MKLN1: variants seen among roughly 807,000 people sequenced by gnomAD.
MKLN1 encodes muskelin 1.
A neutral mutation model predicts 99.0 loss-of-function variants in MKLN1; 18 were observed. The observed-to-expected ratio is 0.18, with a 90% CI of 0.13 to 0.27. The LOEUF (loss-of-function observed/expected upper bound fraction) is 0.27. Among genes scored for constraint, MKLN1 ranks in the 10% least tolerant of loss-of-function variants. The probability of loss-of-function intolerance (pLI) is 1.00; values close to 1 mark genes in which losing one functional copy is unlikely to be tolerated. For synonymous variants in MKLN1, 288 were observed against 293.2 expected, an observed-to-expected ratio of 0.98 and a Z score of 0.18; for missense variants, 621 against 875.9, an observed-to-expected ratio of 0.71 and a Z score of 3.67.
Position 131,220,696 on chromosome 7 carries a change from G to A in MKLN1, c.-179+17722G>A, listed in dbSNP as rs556271788. On this transcript the variant is annotated intron_variant, in intron 3 of 7. Transcript: ENST00000416992. ...CATGCTGATCCTCTTCCTCTGTGGG[G>A]GGTCTTCAAATTGGTTGCTAGAATT... is the stretch of plus-strand genomic sequence containing the variant. Among the ~76,000 whole-genome samples the A allele has an allele frequency of 2.6e-5, 4 of 152,178 alleles. No homozygotes were observed. In the South Asian group the frequency reaches 8.3e-4, roughly 32 times the overall value.
At chr7:131,448,099 G>A (rs1352975890) in intron 12 of MKLN1, among the ~76,000 whole-genome samples, 1 of 152,108 alleles carries the variant, frequency 6.6e-6, no homozygotes, top group African/African-American at 2.4e-5. Flanking sequence ...GTGGTGGCGG[G>A]CGCCTGTAGT....
chr7:131,154,977 TATAG>T (rs1795942974), intron 2 of MKLN1, among the ~76,000 whole-genome samples: 1 of 152,198 alleles, frequency 6.6e-6, no homozygotes, highest in South Asian at 2.1e-4. Context: ...CATTAATAGT[TATAG>T]ACATTTTAGA....
intron 3 of MKLN1, among the ~76,000 whole-genome samples, chr7:131,249,676 G>T (rs897541933): frequency 1.3e-5 from 2 of 152,138 alleles, no homozygotes; most frequent in African/African-American, 4.8e-5. Context: ...ATGCATGGAA[G>T]GCTTATACAG....
At chr7:131,317,403 G>T (rs1798688893) in intron 3 of MKLN1, among the ~76,000 whole-genome samples, 1 of 152,128 alleles carries the variant, frequency 6.6e-6, no homozygotes, top group Non-Finnish European at 1.5e-5. Flanking sequence ...ACAGGCAAAT[G>T]CTGAGGGATT....
chr7:131,165,081 G>A (rs527390287), intron 2 of MKLN1, among the ~76,000 whole-genome samples: 2 of 152,264 alleles, frequency 1.3e-5, no homozygotes, highest in African/African-American at 2.4e-5. Flanking sequence ...TTCCAGCCAG[G>A]GAGAGTGGGG....
intron 2 of MKLN1, among the ~76,000 whole-genome samples, chr7:131,199,354 C>T (rs1796692926): frequency 6.6e-6 from 1 of 151,654 alleles, no homozygotes; most frequent in South Asian, 2.1e-4. Flanking sequence ...AAATCCTGGG[C>T]TCAAGCAATC....
chr7:131,182,501 A>G (rs944961956), intron 2 of MKLN1, among the ~76,000 whole-genome samples: 4 of 152,230 alleles, frequency 2.6e-5, no homozygotes, highest in African/African-American at 9.6e-5. Flanking sequence ...CCTCCAGTTG[A>G]GTGAGAAGAA....
At chr7:131,146,950 T>A (rs1197300716) in intron 2 of MKLN1, among the ~76,000 whole-genome samples, 1 of 152,162 alleles carries the variant, frequency 6.6e-6, no homozygotes, top group Non-Finnish European at 1.5e-5. Flanking sequence ...AGCAGTTGCG[T>A]GTATGTTTTT....
At chr7:131,357,106 C>G (rs1799907620) in intron 1 of MKLN1, among the ~76,000 whole-genome samples, 1 of 152,300 alleles carries the variant, frequency 6.6e-6, no homozygotes, top group African/African-American at 2.4e-5. Flanking sequence ...ATTTATAGTT[C>G]ATTACTAACT....
chr7:131,165,973 A>T (rs954074363), intron 2 of MKLN1, among the ~76,000 whole-genome samples: 1 of 152,088 alleles, frequency 6.6e-6, no homozygotes, highest in Admixed American at 6.6e-5. Flanking sequence ...ATGTTAGCTG[A>T]GAGTGGCAGT....
At chr7:131,422,871 A>G (rs953674241) in intron 8 of MKLN1, among the ~76,000 whole-genome samples, 6 of 152,134 alleles carry the variant, frequency 3.9e-5, no homozygotes, top group Non-Finnish European at 8.8e-5. Flanking sequence ...CATTCATGCC[A>G]TGGTAGAGAA....
At position 131,126,399 on chromosome 7, in the gene MKLN1, TAG is replaced by T. The variant is rs1483814409; in HGVS notation, c.-419+16195_-419+16196del. ...CATATGTGAGTAGTTAAGTGAAAAA[TAG>T]AGTCATTTAACTATAGCATGTCCTA... On this transcript the variant is annotated intron_variant, in intron 1 of 7. Transcript: ENST00000416992. Among the ~76,000 whole-genome samples the T allele has an allele frequency of 2.2e-4, 34 of 152,276 alleles. 1 individual carries two copies. The highest frequency in any genetic ancestry group is 7.7e-4 in the African/African-American group (32 of 41,548).
At position 131,215,956 on chromosome 7, in the gene MKLN1, G is replaced by A. The variant is rs371326675; in HGVS notation, c.-179+12982G>A. On this transcript the variant is annotated intron_variant, in intron 3 of 7. Transcript: ENST00000416992. ...AAGCAGTGAACCTGGTTTACCACCCGCTCCCCTCACTCCATGCAGGTCACT... is the reference window on the plus strand; with the variant it reads ...AAGCAGTGAACCTGGTTTACCACCCACTCCCCTCACTCCATGCAGGTCACT... Among the ~76,000 whole-genome samples, 13 of 152,230 alleles carry A rather than the reference G, an allele frequency of 8.5e-5. No individual in the cohort carries two copies. The East Asian group carries it at 2.5e-3, about 29-fold the overall frequency.
At chr7:131,185,532 C>T (rs768665563) in intron 2 of MKLN1, among the ~76,000 whole-genome samples, 5 of 151,698 alleles carry the variant, frequency 3.3e-5, no homozygotes, top group Non-Finnish European at 7.4e-5. Context: ...GAGCCGAGAT[C>T]GCACCACTGC....
intron 2 of MKLN1, among the ~76,000 whole-genome samples, chr7:131,378,905 C>CT (rs1793754223): frequency 6.9e-6 from 1 of 144,016 alleles, no homozygotes; most frequent in Admixed American, 7.0e-5. Context: ...TTTTTGGAAG[C>CT]TGGAACCTTA....
chr7:131,213,422 G>T (rs1407264724), intron 3 of MKLN1, among the ~76,000 whole-genome samples: 2 of 152,146 alleles, frequency 1.3e-5, no homozygotes, highest in Admixed American at 1.3e-4. Context: ...AAACAATGCT[G>T]CAATTAACAT....
At chr7:131,143,021 C>A in intron 2 of MKLN1, 1 of 1,034,180 alleles carries the variant, frequency 9.7e-7, no homozygotes, top group Non-Finnish European at 1.3e-6. Flanking sequence ...TTTTCAAATT[C>A]TTCTCTCTGG....
chr7:131,282,637 C>T (rs1798069196), intron 3 of MKLN1, among the ~76,000 whole-genome samples: 1 of 151,910 alleles, frequency 6.6e-6, no homozygotes, highest in Non-Finnish European at 1.5e-5. Flanking sequence ...CCTTCTTTCT[C>T]CCCTTCCTTC....
In MKLN1 at chr7:131,437,961, T is replaced by A; in HGVS notation, c.1137T>A (p.Ala379=). The A allele has an allele frequency of 2.5e-6, 4 of 1,613,948 alleles. No homozygotes were observed. The highest frequency in any genetic ancestry group is 2.5e-6 in the Non-Finnish European group (3 of 1,179,870). ...GGATGTTACTAAGTGAGGATACTGC[T>A]GCTGATGGAGGGCCGAAATTGGTGT... The part of the protein sequence containing the change: ...NTWMLLSEDT[A]ADGGPKLVFD... The change falls in exon 10 of 18, where the codon GCT becomes GCA. Residue 379 remains alanine (A), a synonymous_variant. Transcript: ENST00000352689.
Sources: allele counts gnomAD v4.1 joint callset (sites outside exome capture counted in the v4.1 genomes callset), GRCh38; gene constraint gnomAD v4.1.1; transcripts MANE v1.5; gene names NCBI Gene and HGNC (gene_info 2026-07-23, HGNC 2026-07-21).